The following KRT71 variants were observed in gnomAD, a reference collection of about 807,000 sequenced individuals.
KRT71 encodes keratin, type II cytoskeletal 71.
A neutral mutation model predicts 46.2 loss-of-function variants in KRT71; 42 were observed. The ratio of observed to expected loss-of-function variants is 0.91; its 90% CI spans 0.71 to 1.18. KRT71 has a LOEUF of 1.18. Ranked by LOEUF, KRT71 falls within the 50% of genes most tolerant of loss-of-function variation. The pLI is 0.00. For synonymous variants in KRT71, 292 were observed against 277.8 expected (o/e 1.05, Z -0.51); for missense variants, 708 against 677.9 (o/e 1.04, Z -0.49).
At position 52,552,215 on chromosome 12, in the gene KRT71, G is replaced by C. The variant is rs140739358; in HGVS notation, c.441+422C>G. On this transcript the variant is annotated intron_variant, in intron 1 of 8. Coordinates refer to ENST00000267119, the MANE Select transcript of KRT71 (RefSeq NM_033448.3). ...AATGCCCAATCAGAGGGCCTGAAGC[G>C]GCCCCTTCCTGCTGCTCCTGATCCG... Among the ~76,000 whole-genome samples the C allele has an allele frequency of 4.6e-5, 7 of 152,344 alleles. No individual in the cohort carries two copies. The East Asian group carries it at 1.4e-3, about 29-fold the overall frequency.
At chr12:52,552,036 C>T (rs1939180012) in intron 1 of KRT71, among the ~76,000 whole-genome samples, 1 of 152,224 alleles carries the variant, frequency 6.6e-6, no homozygotes, top group African/African-American at 2.4e-5. Flanking sequence ...GTTATTATCT[C>T]CATTTTAGAG....
intron 1 of KRT71, among the ~76,000 whole-genome samples, chr12:52,551,413 A>G (rs1455105732): frequency 1.3e-5 from 2 of 152,196 alleles, no homozygotes; most frequent in African/African-American, 4.8e-5. Context: ...CCAAGAATCA[A>G]TCAGTCCACT....
rs1939020280 is a variant in KRT71 at position 52,544,467 on chromosome 12, T to C, written c.*65A>G. 1.4e-6 allele frequency: 2 copies of C among 1,411,652 alleles called. No individual in the cohort carries two copies. The highest frequency in any genetic ancestry group is 2.3e-5 in the East Asian group (1 of 43,706). The allele number at this position is 1,411,652 out of a possible 1,614,324, so 87.4% of individuals were successfully genotyped here. A position where few individuals can be genotyped will look rare whatever the true frequency, so the allele number is the denominator to read the frequency against. ...TGGAGATGGAGCTGAGAGTGGGCTG[T>C]GGGAAGTACAGTGTGGGATCCAGAG... On this transcript the variant is annotated 3_prime_UTR_variant, in exon 9 of 9. Coordinates refer to ENST00000267119, the MANE Select transcript of KRT71 (RefSeq NM_033448.3).
Position 52,549,964 on chromosome 12 carries a change from C to T in KRT71, c.656+65G>A, listed in dbSNP as rs1939135357. ...CTCCAAAGCATTTAAGCTGGGGTGA[C>T]TGCCAGGGGTCCCTTGGAGGGACAA... On this transcript the variant is annotated intron_variant, in intron 2 of 8. Transcript: ENST00000267119. 27 of 1,588,626 alleles carry T rather than the reference C, an allele frequency of 1.7e-5. No individual in the cohort carries two copies. In the South Asian group the frequency reaches 3.0e-4, roughly 18 times the overall value.
Position 52,544,317 on chromosome 12 carries a change from G to A in KRT71, c.*215C>T. ...GGACCACAGCCAAGGAGTTAATAGG[G>A]TGTGTACAGGGAGGAATTTCACCAA... On this transcript the variant is annotated 3_prime_UTR_variant, in exon 9 of 9. Coordinates refer to ENST00000267119, the MANE Select transcript of KRT71 (RefSeq NM_033448.3). 1.6e-6 allele frequency: 1 copy of A among 635,394 alleles called. No homozygotes were observed. Among genetic ancestry groups the A allele is most frequent in the East Asian group, 2.6e-5 (1 of 38,144 alleles). The allele number at this position is 635,394 out of a possible 1,614,324, so 39.4% of individuals were successfully genotyped here. A position where few individuals can be genotyped will look rare whatever the true frequency, so the allele number is the denominator to read the frequency against.
chr12:52,546,280 G>C lies in KRT71; in HGVS notation c.1325+6C>G. 2 of 1,613,746 alleles carry C rather than the reference G, an allele frequency of 1.2e-6. No individual in the cohort carries two copies. Among genetic ancestry groups the C allele is most frequent in the Admixed American group, 1.7e-5 (1 of 60,002 alleles). On this transcript the variant is annotated splice_donor_region_variant and intron_variant, in intron 7 of 8. Coordinates refer to ENST00000267119, the MANE Select transcript of KRT71 (RefSeq NM_033448.3). ...GGGCCCTCCTGTCTGGGCACGCCCC[G>C]CCCACCTGCACTCCTCGCTCTCCAG...
intron 7 of KRT71, 65 bp downstream of exon 7, chr12:52,546,221 T>C (rs935177067): frequency 6.4e-7 from 1 of 1,569,040 alleles, no homozygotes; most frequent in Non-Finnish European, 8.7e-7. Flanking sequence ...TGAGATGTGT[T>C]AGGCTTTCTC....
intron 8 of KRT71, 112 bp from the exon 9 acceptor site, chr12:52,544,855 C>T: frequency 3.6e-6 from 3 of 825,530 alleles, no homozygotes; most frequent in African/African-American, 1.7e-5. Flanking sequence ...AGGTGCACAC[C>T]CGCTCCCTCT....
intron 8 of KRT71, 127 bp downstream of exon 8, chr12:52,545,438 T>C (rs1939041888): frequency 1.7e-6 from 1 of 582,160 alleles, no homozygotes; most frequent in Non-Finnish European, 3.0e-6. Flanking sequence ...CATCTGGCTT[T>C]GTGATCTCAG....
chr12:52,546,869 C>T (rs11610919), intron 6 of KRT71, among the ~76,000 whole-genome samples: 52,882 of 152,116 alleles, frequency 0.35, 12,177 homozygotes, highest in Middle Eastern at 0.54. Context: ...CTGTGGCAGA[C>T]GCAAAGGCAG....
In KRT71 at chr12:52,548,850, C is replaced by T. The variant is rs1262421809; in HGVS notation, c.718-54G>A. On this transcript the variant is annotated intron_variant, in intron 3 of 8. Coordinates refer to ENST00000267119, the MANE Select transcript of KRT71 (RefSeq NM_033448.3). ...ACTGCTGGTACAGCCAAAAAGGCAG[C>T]AGCCATCCCTGCCTGGGTTCCCTGA... The T allele has an allele frequency of 2.7e-6, 4 of 1,478,824 alleles. No individual in the cohort carries two copies. In the African/African-American group the frequency reaches 4.1e-5, roughly 15 times the overall value. The allele number at this position is 1,478,824 out of a possible 1,614,324, so 91.6% of individuals were successfully genotyped here.
At chr12:52,550,305 A>G (rs982179961) in intron 1 of KRT71, 62 bp from the exon 2 acceptor site, 16 of 1,588,120 alleles carry the variant, frequency 1.0e-5, no homozygotes, top group African/African-American at 1.3e-5. Flanking sequence ...TGTCTCTCAC[A>G]GGGCATTGTG....
At chr12:52,548,556 G>A (rs1342516829) in intron 4 of KRT71, 145 bp downstream of exon 4, 1 of 805,538 alleles carries the variant, frequency 1.2e-6, no homozygotes, top group Admixed American at 2.4e-5. Context: ...GCAGACCTAG[G>A]AGCCTCGCAA....
Position 52,548,303 on chromosome 12 carries a change from A to T in KRT71, c.827T>A (p.Ile276Asn). 2 of 1,611,640 alleles carry T rather than the reference A, an allele frequency of 1.2e-6. No homozygotes were observed. Among genetic ancestry groups the T allele is most frequent in the Non-Finnish European group, 1.7e-6 (2 of 1,178,658 alleles). ...RCLFEAEITQIQSHISDMSVI... is the reference protein window; with the variant it reads ...RCLFEAEITQNQSHISDMSVI... ...AGACATGTCACTGATGTGGGACTGG[A>T]TCTGAGTGATCTCCTGCAGGGGACA... Residue 276 changes from isoleucine to asparagine, a missense_variant, in exon 5 of 9, where the codon ATC becomes AAC. Ile to Asn is a moderately radical substitution (Grantham distance 149). Transcript: ENST00000267119.
chr12:52,549,203 C>T, intron 3 of KRT71, 90 bp downstream of exon 3: 1 of 964,558 alleles, frequency 1.0e-6, no homozygotes, highest in South Asian at 1.3e-5. Flanking sequence ...ATCAGTTCAC[C>T]TTGAGGGGGG....
intron 1 of KRT71, among the ~76,000 whole-genome samples, chr12:52,550,653 G>A (rs558564048): frequency 6.6e-6 from 1 of 152,354 alleles, no homozygotes; most frequent in African/African-American, 2.4e-5. Flanking sequence ...AGCTCAGTAA[G>A]GCTTGGGCCA....
chr12:52,549,565 C>T (rs1335258992), intron 2 of KRT71, among the ~76,000 whole-genome samples: 1 of 152,176 alleles, frequency 6.6e-6, no homozygotes, highest in Non-Finnish European at 1.5e-5. Flanking sequence ...TCCAGCTTGG[C>T]AAACGAGGAA....
At chr12:52,548,358 C>T (rs111890812) in intron 4 of KRT71, 42 bp from the exon 5 acceptor site, 358 of 1,569,434 alleles carry the variant, frequency 2.3e-4, no homozygotes, top group African/African-American at 1.9e-3. Flanking sequence ...CAACTGCTGT[C>T]GGAAGCCAAC....
Position 52,550,251 on chromosome 12 carries a change from C to T in KRT71, c.442-8G>A, listed in dbSNP as rs185401320. On this transcript the variant is annotated splice_polypyrimidine_tract_variant and splice_region_variant and intron_variant, in intron 1 of 8. Coordinates refer to ENST00000267119, the MANE Select transcript of KRT71 (RefSeq NM_033448.3). ...CTGCTCCAGGAACCGCACCTGGAAC[C>T]CAGATCCCAGAAACTGCTGAACCCT... 8.1e-6 allele frequency: 13 copies of T among 1,613,876 alleles called. No individual in the cohort carries two copies. The East Asian group carries it at 2.9e-4, about 36-fold the overall frequency.
Sources: allele counts gnomAD v4.1 joint callset (sites outside exome capture counted in the v4.1 genomes callset), GRCh38; gene constraint gnomAD v4.1.1; transcripts MANE v1.5; gene names NCBI Gene and HGNC (gene_info 2026-07-23, HGNC 2026-07-21).